CCDC34: variants seen among roughly 807,000 people sequenced by gnomAD.
CCDC34 encodes coiled-coil domain containing 34, also known as coiled-coil domain-containing protein 34.
In CCDC34, 40 loss-of-function variants were observed where a neutral mutation model predicts 44.1. That is an observed-to-expected ratio of 0.91 (90% CI 0.70 to 1.18). The LOEUF (loss-of-function observed/expected upper bound fraction) is 1.18, where lower values mean the gene tolerates loss of function less well. Ranked by LOEUF, CCDC34 falls within the 50% of genes most tolerant of loss-of-function variation. CCDC34 has a pLI of 0.00. For synonymous variants in CCDC34, 159 were observed against 158.2 expected (o/e 1.01, Z -0.04); for missense variants, 466 against 452.3 (o/e 1.03, Z -0.28).
At chr11:27,353,378 C>T (rs12295134) in intron 2 of CCDC34, among the ~76,000 whole-genome samples, 3,881 of 150,698 alleles carry the variant, frequency 0.026, 150 homozygotes, top group African/African-American at 0.082. Flanking sequence ...TTATAATTTA[C>T]AACTGATTAT....
rs753714609 is a variant in CCDC34 at position 27,341,384 on chromosome 11, A to G, written c.765+8T>C. On this transcript the variant is annotated splice_region_variant and intron_variant, in intron 4 of 5. Transcript: ENST00000328697. ...ATGTATTCTAACTGGTCACTTTAAT[A>G]AAAATACCTTTTCTTTCTTCTTCCT... 1.4e-6 allele frequency: 2 copies of G among 1,448,070 alleles called. No individual in the cohort carries two copies. The highest frequency in any genetic ancestry group is 2.7e-5 in the South Asian group (2 of 73,028). 89.7% of individuals were successfully genotyped at this position (1,448,070 alleles called of 1,614,324 possible).
chr11:27,360,196 T>C (rs1184692416), intron 1 of CCDC34, among the ~76,000 whole-genome samples: 1 of 152,232 alleles, frequency 6.6e-6, no homozygotes. Context: ...TATTACAGCA[T>C]GGTTTTCCTA....
chr11:27,341,256 C>T (rs537164701), intron 4 of CCDC34, 136 bp downstream of exon 4: 10 of 544,384 alleles, frequency 1.8e-5, no homozygotes, highest in African/African-American at 3.9e-5. Flanking sequence ...TTAAACACAG[C>T]GTAACAGGAT....
At chr11:27,344,281 A>G (rs879430316) in intron 3 of CCDC34, among the ~76,000 whole-genome samples, 44 of 152,154 alleles carry the variant, frequency 2.9e-4, no homozygotes, top group Non-Finnish European at 4.7e-4. Flanking sequence ...TTACAAGGTG[A>G]TATCAGAAAC....
intron 3 of CCDC34, 147 bp downstream of exon 3, chr11:27,350,185 A>C: frequency 1.3e-6 from 2 of 1,553,228 alleles, no homozygotes; most frequent in South Asian, 2.6e-5. Context: ...AGACTTGATA[A>C]ATGTCCACCA....
At chr11:27,340,656 C>A (rs1284283923) in intron 5 of CCDC34, 40 bp downstream of exon 5, 6 of 1,548,634 alleles carry the variant, frequency 3.9e-6, no homozygotes, top group Non-Finnish European at 5.2e-6. Flanking sequence ...TTTGCTTCTG[C>A]AAACCATATT....
At position 27,340,691 on chromosome 11, in the gene CCDC34, C is replaced by T. The variant is rs972811920; in HGVS notation, c.907+5G>A. ...TTATGTAAGCCACACAACATAAAAA[C>T]CAACCTGTAAGTTTTCCATTGGCAT... On this transcript the variant is annotated splice_donor_5th_base_variant and intron_variant, in intron 5 of 5. Transcript: ENST00000328697. The T allele has an allele frequency of 1.9e-6, 3 of 1,604,506 alleles. No individual in the cohort carries two copies. The highest frequency in any genetic ancestry group is 2.6e-6 in the Non-Finnish European group (3 of 1,176,386).
chr11:27,359,342 C>T (rs574306230), intron 1 of CCDC34, among the ~76,000 whole-genome samples: 1 of 152,226 alleles, frequency 6.6e-6, no homozygotes, highest in African/African-American at 2.4e-5. Context: ...GAATGTGCCA[C>T]GCCCCATGCC....
At position 27,350,370 on chromosome 11, in the gene CCDC34, C is replaced by T. The variant is rs1348221382; in HGVS notation, c.568G>A (p.Glu190Lys). The change falls in exon 3 of 6, where the codon GAA (glutamate) becomes AAA (lysine). Residue 190 changes from glutamate to lysine, a missense_variant. Glu to Lys is a moderately conservative substitution (Grantham distance 56, BLOSUM62 1). Coordinates refer to ENST00000328697, the MANE Select transcript of CCDC34 (RefSeq NM_030771.2). ...EREKRKIIAE[E>K]KHKEWVQKKN... ...TTCTGAACCCATTCCTTGTGCTTTT[C>T]TTCAGCAATTATCTTTCTTTTTTCA... 1.2e-6 allele frequency: 2 copies of T among 1,613,730 alleles called. No homozygotes were observed. Among genetic ancestry groups the T allele is most frequent in the Admixed American group, 3.3e-5 (2 of 59,962 alleles).
intron 2 of CCDC34, among the ~76,000 whole-genome samples, chr11:27,352,538 T>A (rs1292373775): frequency 2.0e-5 from 3 of 152,166 alleles, no homozygotes; most frequent in Non-Finnish European, 2.9e-5. Flanking sequence ...TATATAAATA[T>A]GAAAGACATT....
chr11:27,346,102 T>G (rs773719474), intron 3 of CCDC34, among the ~76,000 whole-genome samples: 4 of 152,104 alleles, frequency 2.6e-5, no homozygotes, highest in Non-Finnish European at 5.9e-5. Context: ...TCATCAAAAT[T>G]TAAAACTTCT....
Position 27,350,373 on chromosome 11 carries a change from C to T in CCDC34, c.565G>A (p.Glu189Lys). 1.2e-6 allele frequency: 2 copies of T among 1,613,590 alleles called. No individual in the cohort carries two copies. Among genetic ancestry groups the T allele is most frequent in the Non-Finnish European group, 1.7e-6 (2 of 1,179,812 alleles). The part of the protein sequence containing the change: ...EEREKRKIIA[E>K]EKHKEWVQKK... Reference sequence around the variant, plus strand: ...TGAACCCATTCCTTGTGCTTTTCTTCAGCAATTATCTTTCTTTTTTCACGT... The same window carrying T: ...TGAACCCATTCCTTGTGCTTTTCTTTAGCAATTATCTTTCTTTTTTCACGT... Residue 189 changes from glutamate to lysine, a missense_variant, in exon 3 of 6, where the codon GAA becomes AAA. Transcript: ENST00000328697.
At chr11:27,351,724 A>G (rs944522504) in intron 2 of CCDC34, among the ~76,000 whole-genome samples, 1 of 152,212 alleles carries the variant, frequency 6.6e-6, no homozygotes, top group Non-Finnish European at 1.5e-5. Flanking sequence ...GTTATTGCAT[A>G]TCATAAAAGT....
chr11:27,338,659 G>A lies in CCDC34; in HGVS notation c.*162C>T. 3.3e-6 allele frequency: 2 copies of A among 598,994 alleles called. No individual in the cohort carries two copies. Among genetic ancestry groups the A allele is most frequent in the East Asian group, 3.2e-5 (1 of 31,516 alleles). 37.1% of individuals were successfully genotyped at this position (598,994 alleles called of 1,614,324 possible). A position where few individuals can be genotyped will look rare whatever the true frequency, so the allele number is the denominator to read the frequency against. Reference sequence around the variant, plus strand: ...AAAAGTTTATAAAAACCAAAATCCAGAAAATATCTTCCTCAACTCTAAGGA... The same window carrying A: ...AAAAGTTTATAAAAACCAAAATCCAAAAAATATCTTCCTCAACTCTAAGGA... On this transcript the variant is annotated 3_prime_UTR_variant, in exon 6 of 6. Transcript: ENST00000328697.
chr11:27,357,575 A>C, intron 1 of CCDC34, 34 bp from the exon 2 acceptor site: 1 of 1,598,334 alleles, frequency 6.3e-7, no homozygotes, highest in Non-Finnish European at 8.5e-7. Context: ...TACTTGTACA[A>C]GAACCTCTTT....
intron 3 of CCDC34, among the ~76,000 whole-genome samples, chr11:27,342,976 G>T (rs978942421): frequency 1.3e-5 from 2 of 152,138 alleles, no homozygotes; most frequent in African/African-American, 4.8e-5. Flanking sequence ...TATGAGCCAA[G>T]AAAAGAAATT....
At chr11:27,342,735 T>C (rs1280339525) in intron 3 of CCDC34, among the ~76,000 whole-genome samples, 1 of 152,170 alleles carries the variant, frequency 6.6e-6, no homozygotes, top group African/African-American at 2.4e-5. Flanking sequence ...ACCCCAAAAG[T>C]TTAAAATATT....
intron 1 of CCDC34, among the ~76,000 whole-genome samples, chr11:27,358,535 A>G (rs1056734694): frequency 1.1e-4 from 17 of 152,068 alleles, no homozygotes; most frequent in Non-Finnish European, 2.4e-4. Flanking sequence ...TGCTACTATT[A>G]TTTCTTCATT....
At chr11:27,362,219 A>T (rs1862675030) in intron 1 of CCDC34, among the ~76,000 whole-genome samples, 1 of 152,242 alleles carries the variant, frequency 6.6e-6, no homozygotes, top group African/African-American at 2.4e-5. Context: ...AGTGAGTAAC[A>T]GTAGAAATAA....
Sources: gnomAD v4.1 joint callset for allele counts (sites outside exome capture counted in the v4.1 genomes callset) on GRCh38, gnomAD v4.1.1 for gene constraint, MANE v1.5 for transcripts, NCBI Gene and HGNC (gene_info 2026-07-23, HGNC 2026-07-21) for gene names.